Variants in RALGAPB observed in about 807,000 individuals in gnomAD.
RALGAPB encodes the protein Ral GTPase activating protein non-catalytic subunit beta.
RALGAPB carries 25 observed loss-of-function variants against 161.1 expected under a neutral mutation model. The observed-to-expected ratio is 0.16, with a 90% CI of 0.11 to 0.22. The LOEUF (loss-of-function observed/expected upper bound fraction) is 0.22, where lower values mean the gene tolerates loss of function less well. Among genes scored for constraint, RALGAPB ranks in the 10% least tolerant of loss-of-function variants. The pLI, the probability that RALGAPB is intolerant of heterozygous loss-of-function variation, is 1.00. For synonymous variants in RALGAPB, 629 were observed against 626.1 expected (o/e 1.00, Z -0.07); for missense variants, 1,391 against 1,815.2 (o/e 0.77, Z 4.25).
Position 38,488,564 on chromosome 20 carries a change from G to A in RALGAPB, c.132G>A (p.Val44=). The A allele has an allele frequency of 6.2e-7, 1 of 1,614,192 alleles. No homozygotes were observed. Among genetic ancestry groups the A allele is most frequent in the Non-Finnish European group, 8.5e-7 (1 of 1,180,034 alleles). ...ANAVVRPLGQ[V]LGTPSVAGSE... Reference sequence around the variant, plus strand: ...CTGTAGTCCGTCCTCTTGGGCAGGTGTTAGGTACCCCTTCAGTGGCTGGTA... The same window carrying A: ...CTGTAGTCCGTCCTCTTGGGCAGGTATTAGGTACCCCTTCAGTGGCTGGTA... The change falls in exon 2 of 30, where the codon GTG becomes GTA. Residue 44 remains valine (V), a synonymous_variant. Transcript: ENST00000262879.
At position 38,546,251 on chromosome 20, in the gene RALGAPB, A is replaced by G. The variant is rs555821299; in HGVS notation, c.2723A>G (p.Gln908Arg). ...TTTTCCATTCTCCATAGCATTATGC[A>G]GTTGCTCGGCGCATTTCCTTCACCT... ...AAEATLTCIM[Q>R]LLGAFPSPSG... The change falls in exon 19 of 30, where the codon CAG (glutamine) becomes CGG (arginine). Residue 908 changes from glutamine (Q) to arginine (R), a missense_variant. Gln to Arg is a conservative substitution (Grantham distance 43). Coordinates refer to ENST00000262879, the MANE Select transcript of RALGAPB (RefSeq NM_020336.4). 1.9e-6 allele frequency: 3 copies of G among 1,614,064 alleles called. No homozygotes were observed. The African/African-American group carries it at 4.0e-5, about 22-fold the overall frequency.
intron 14 of RALGAPB, among the ~76,000 whole-genome samples, chr20:38,532,347 G>A (rs982801154): frequency 6.6e-6 from 1 of 152,176 alleles, no homozygotes; most frequent in Non-Finnish European, 1.5e-5. Context: ...GTGAGCCAGC[G>A]CGCCTGGCCT....
At chr20:38,487,358 A>G (rs968486964) in intron 1 of RALGAPB, among the ~76,000 whole-genome samples, 3 of 152,180 alleles carry the variant, frequency 2.0e-5, no homozygotes, top group African/African-American at 7.2e-5. Context: ...GGATAAAATA[A>G]TAAATCGTAT....
intron 12 of RALGAPB, among the ~76,000 whole-genome samples, 158 bp from the exon 13 acceptor site, chr20:38,525,737 A>G (rs1352330201): frequency 1.3e-5 from 2 of 151,930 alleles, no homozygotes; most frequent in African/African-American, 4.8e-5. Context: ...GGCTAAGGAC[A>G]TCTATTAACA....
chr20:38,545,068 A>G (rs548816797), intron 18 of RALGAPB, among the ~76,000 whole-genome samples: 31 of 152,210 alleles, frequency 2.0e-4, no homozygotes, highest in African/African-American at 7.0e-4. Context: ...AACTCTTTCT[A>G]TGGTATATTA....
chr20:38,507,685 G>A (rs376271456), intron 5 of RALGAPB, among the ~76,000 whole-genome samples: 2 of 151,474 alleles, frequency 1.3e-5, no homozygotes, highest in East Asian at 3.9e-4. Flanking sequence ...TGCCAGCGTT[G>A]TTTTTTTGTT....
At chr20:38,479,799 C>T (rs761969257) in intron 1 of RALGAPB, among the ~76,000 whole-genome samples, 46 of 152,136 alleles carry the variant, frequency 3.0e-4, no homozygotes, top group Non-Finnish European at 5.3e-4. Context: ...CATTATATCT[C>T]ACTACAGTGC....
intron 21 of RALGAPB, among the ~76,000 whole-genome samples, chr20:38,552,435 G>A (rs2087410270): frequency 1.3e-5 from 2 of 152,130 alleles, no homozygotes; most frequent in Non-Finnish European, 2.9e-5. Flanking sequence ...GTAAGCCATC[G>A]CACCCGGCCA....
At chr20:38,528,003 A>G (rs953531030) in intron 13 of RALGAPB, among the ~76,000 whole-genome samples, 2 of 152,232 alleles carry the variant, frequency 1.3e-5, no homozygotes, top group African/African-American at 2.4e-5. Context: ...TAATAAATAA[A>G]TGAAGCTTAC....
At chr20:38,572,873 A>C (rs2088291435) in intron 28 of RALGAPB, among the ~76,000 whole-genome samples, 2 of 152,186 alleles carry the variant, frequency 1.3e-5, no homozygotes, top group South Asian at 2.1e-4. Context: ...TTTTTACTAA[A>C]ATATTCTTCA....
chr20:38,554,579 G>C (rs1194664512), intron 22 of RALGAPB, among the ~76,000 whole-genome samples: 1 of 152,136 alleles, frequency 6.6e-6, no homozygotes, highest in East Asian at 1.9e-4. Context: ...ATCACTGCTT[G>C]CCAGCTATGT....
At chr20:38,523,919 G>A (rs1015576463) in intron 10 of RALGAPB, among the ~76,000 whole-genome samples, 2 of 152,184 alleles carry the variant, frequency 1.3e-5, no homozygotes, top group South Asian at 2.1e-4. Flanking sequence ...ACTTAGTCAT[G>A]TCTCTTGGAT....
At chr20:38,507,778 G>A (rs1325053393) in intron 5 of RALGAPB, among the ~76,000 whole-genome samples, 1 of 151,790 alleles carries the variant, frequency 6.6e-6, no homozygotes, top group Non-Finnish European at 1.5e-5. Flanking sequence ...GCTCATTGTA[G>A]CCTCGAACTC....
At chr20:38,479,334 C>G (rs532481005) in intron 1 of RALGAPB, among the ~76,000 whole-genome samples, 1 of 152,238 alleles carries the variant, frequency 6.6e-6, no homozygotes, top group South Asian at 2.1e-4. Context: ...CTTGAAGCTC[C>G]TTGGGAACAG....
intron 21 of RALGAPB, among the ~76,000 whole-genome samples, chr20:38,551,992 T>C (rs1262396169): frequency 6.6e-6 from 1 of 151,780 alleles, no homozygotes; most frequent in Non-Finnish European, 1.5e-5. Flanking sequence ...GTGTGTACAG[T>C]AGGAGGGATA....
At chr20:38,492,900 A>G in intron 2 of RALGAPB, 30 bp from the exon 3 acceptor site, 3 of 1,540,648 alleles carry the variant, frequency 1.9e-6, no homozygotes, top group Admixed American at 1.7e-5. Context: ...AACGTGTAAT[A>G]ATTCTATATG....
rs777412123 is a variant in RALGAPB, at chr20:38,525,385, G to T, written c.1788-19G>T. On this transcript the variant is annotated intron_variant, in intron 11 of 29. Coordinates refer to ENST00000262879, the MANE Select transcript of RALGAPB (RefSeq NM_020336.4). ...GTGCTTTAGTTCAAAAATACTAATAGCTTTTTATTTTTTGGCAGAGAACTC... is the reference window on the plus strand; with the variant it reads ...GTGCTTTAGTTCAAAAATACTAATATCTTTTTATTTTTTGGCAGAGAACTC... The T allele has an allele frequency of 2.0e-6, 3 of 1,527,978 alleles. No homozygotes were observed. The highest frequency in any genetic ancestry group is 4.5e-5 in the East Asian group (2 of 44,256). The allele number at this position is 1,527,978 out of a possible 1,614,324, so 94.7% of individuals were successfully genotyped here. A position where few individuals can be genotyped will look rare whatever the true frequency, so the allele number is the denominator to read the frequency against.
At chr20:38,546,503 A>C in intron 19 of RALGAPB, 73 bp downstream of exon 19, 1 of 1,584,522 alleles carries the variant, frequency 6.3e-7, no homozygotes, top group Non-Finnish European at 8.6e-7. Flanking sequence ...TGTTTCCAGG[A>C]TCAGGGAAGG....
chr20:38,485,964 A>AT (rs1413175711), intron 1 of RALGAPB, among the ~76,000 whole-genome samples: 2 of 74,134 alleles, frequency 2.7e-5, no homozygotes, highest in Non-Finnish European at 5.1e-5. Context: ...TCCTTTCTAT[A>AT]TCTTTTTTTT....
Sources: allele counts gnomAD v4.1 joint callset (sites outside exome capture counted in the v4.1 genomes callset), GRCh38; gene constraint gnomAD v4.1.1; transcripts MANE v1.5; gene names NCBI Gene and HGNC (gene_info 2026-07-23, HGNC 2026-07-21).